USH2A: variants seen among roughly 807,000 people sequenced by gnomAD.
The protein encoded by USH2A is Usher syndrome 2A (autosomal recessive, mild).
In USH2A, 443 loss-of-function variants were observed where a neutral mutation model predicts 538.9. The ratio of observed to expected loss-of-function variants is 0.82; its 90% CI spans 0.76 to 0.89. USH2A has a LOEUF of 0.89. USH2A is among the 40% of genes least tolerant of loss of function. USH2A has a pLI of 0.00. For synonymous variants in USH2A, 2,413 were observed against 2,273.5 expected, an observed-to-expected ratio of 1.06 and a Z score of -1.75; for missense variants, 6,633 against 6,324.8, an observed-to-expected ratio of 1.05 and a Z score of -1.65.
At chr1:215,650,856 A>G in intron 64 of USH2A, 55 bp from the exon 65 acceptor site, 5 of 1,420,466 alleles carry the variant, frequency 3.5e-6, no homozygotes, top group African/African-American at 2.9e-5. Context: ...AGGCTGGGAA[A>G]AAAAAAAAAA....
At chr1:215,962,100 AG>A (rs1667216912) in intron 37 of USH2A, among the ~76,000 whole-genome samples, 8 of 152,068 alleles carry the variant, frequency 5.3e-5, no homozygotes, top group Admixed American at 5.2e-4. Flanking sequence ...TAACTACTCA[AG>A]ATACTGTGAA....
chr1:215,854,498 C>A (rs969939666), intron 44 of USH2A, among the ~76,000 whole-genome samples: 4 of 152,066 alleles, frequency 2.6e-5, no homozygotes, highest in Non-Finnish European at 5.9e-5. Context: ...GGGTAAATAT[C>A]CATGGTTCAT....
At chr1:215,983,208 C>T (rs191539789) in intron 35 of USH2A, among the ~76,000 whole-genome samples, 93 of 152,254 alleles carry the variant, frequency 6.1e-4, no homozygotes, top group African/African-American at 1.9e-3. Flanking sequence ...GTGATACACA[C>T]GCCTCAGCCT....
chr1:216,059,010 A>C (rs1571924277), intron 30 of USH2A, among the ~76,000 whole-genome samples: 1 of 152,304 alleles, frequency 6.6e-6, no homozygotes, highest in East Asian at 1.9e-4. Context: ...TTTAGCAACT[A>C]TGGAGTAAGA....
intron 9 of USH2A, among the ~76,000 whole-genome samples, chr1:216,296,349 T>G (rs900865606): frequency 2.0e-5 from 3 of 152,028 alleles, no homozygotes; most frequent in Admixed American, 2.0e-4. Flanking sequence ...TGCAAACCTT[T>G]AGGCTAAGGT....
chr1:215,723,012 T>C (rs1659707441), intron 61 of USH2A, among the ~76,000 whole-genome samples: 2 of 152,142 alleles, frequency 1.3e-5, no homozygotes, highest in African/African-American at 2.4e-5. Flanking sequence ...ATGGAACTCC[T>C]GCATGCCAAG....
At chr1:215,774,068 A>C (rs553698690) in intron 55 of USH2A, among the ~76,000 whole-genome samples, 3 of 151,976 alleles carry the variant, frequency 2.0e-5, no homozygotes, top group Non-Finnish European at 4.4e-5. Flanking sequence ...CCTCCCCCCC[A>C]TTGAGCAGCA....
intron 13 of USH2A, among the ~76,000 whole-genome samples, chr1:216,246,110 T>A (rs556930877): frequency 6.6e-6 from 1 of 152,216 alleles, no homozygotes; most frequent in Non-Finnish European, 1.5e-5. Flanking sequence ...TTTGATGGCA[T>A]GTGGAAACAA....
At chr1:216,137,737 T>C (rs2033514305) in intron 21 of USH2A, among the ~76,000 whole-genome samples, 1 of 152,112 alleles carries the variant, frequency 6.6e-6, no homozygotes, top group Non-Finnish European at 1.5e-5. Context: ...CGGTCTGGCT[T>C]TCTCAGCCCA....
intron 70 of USH2A, among the ~76,000 whole-genome samples, chr1:215,632,241 G>A (rs113713927): frequency 3.4e-4 from 52 of 151,946 alleles, no homozygotes; most frequent in African/African-American, 1.2e-3. Context: ...ACTTCTTGAG[G>A]TTCTGGTTAA....
At chr1:215,747,502 G>A (rs1273961823) in intron 58 of USH2A, among the ~76,000 whole-genome samples, 1 of 152,144 alleles carries the variant, frequency 6.6e-6, no homozygotes, top group Non-Finnish European at 1.5e-5. Context: ...GCTGGATAAG[G>A]AGAATTGATT....
intron 38 of USH2A, among the ~76,000 whole-genome samples, chr1:215,927,725 T>C (rs903967088): frequency 6.6e-6 from 1 of 151,980 alleles, no homozygotes; most frequent in African/African-American, 2.4e-5. Context: ...TCATACAATA[T>C]ATCCATGTGA....
chr1:215,893,810 T>TA (rs1665262694), intron 40 of USH2A, among the ~76,000 whole-genome samples: 2 of 152,272 alleles, frequency 1.3e-5, no homozygotes, highest in South Asian at 4.1e-4. Context: ...AATTTTTGAT[T>TA]AATCAATCCA....
chr1:215,745,055 G>A (rs190473650), intron 58 of USH2A, among the ~76,000 whole-genome samples: 144 of 152,226 alleles, frequency 9.5e-4, no homozygotes, highest in Non-Finnish European at 1.5e-3. Flanking sequence ...AACAGAACTA[G>A]CTGTATTTTC....
In USH2A at chr1:215,737,037, G is replaced by A. The variant is rs186766069; in HGVS notation, c.11711+4338C>T. On this transcript the variant is annotated intron_variant, in intron 60 of 71. Coordinates refer to ENST00000307340, the MANE Select transcript of USH2A (RefSeq NM_206933.4). ...TTTATTAGAGAATTGCTGTGGTAAC[G>A]AAAACTTGAAAATCACCTATCTTGC... 4.7e-3 allele frequency among the ~76,000 whole-genome samples: 711 copies of A among 151,944 alleles called. 2 individuals carry two copies. The highest frequency in any genetic ancestry group is 0.016 in the African/African-American group (682 of 41,508).
At chr1:215,941,299 A>G (rs927111295) in intron 37 of USH2A, among the ~76,000 whole-genome samples, 1 of 152,146 alleles carries the variant, frequency 6.6e-6, no homozygotes, top group African/African-American at 2.4e-5. Context: ...AAAATTCAGT[A>G]CAGTTCACTA....
intron 21 of USH2A, among the ~76,000 whole-genome samples, chr1:216,133,528 T>C (rs1216357153): frequency 6.6e-6 from 1 of 152,068 alleles, no homozygotes; most frequent in African/African-American, 2.4e-5. Flanking sequence ...AGAGGATGTG[T>C]GCGTAGCTCC....
intron 60 of USH2A, among the ~76,000 whole-genome samples, chr1:215,729,514 T>C (rs184524720): frequency 2.6e-5 from 4 of 152,318 alleles, no homozygotes; most frequent in Admixed American, 1.3e-4. Flanking sequence ...GGTAAAAAGA[T>C]GAACACACCC....
intron 13 of USH2A, among the ~76,000 whole-genome samples, chr1:216,236,752 A>C (rs1370589503): frequency 6.6e-6 from 1 of 152,164 alleles, no homozygotes; most frequent in African/African-American, 2.4e-5. Flanking sequence ...TCGTCACAGC[A>C]ACAGATGGAA....
Sources: allele counts gnomAD v4.1 joint callset (sites outside exome capture counted in the v4.1 genomes callset), GRCh38; gene constraint gnomAD v4.1.1; transcripts MANE v1.5; gene names NCBI Gene and HGNC (gene_info 2026-07-23, HGNC 2026-07-21).